The following EHBP1 variants were observed in gnomAD, a reference collection of about 807,000 sequenced individuals.
The protein encoded by EHBP1 is EH domain-binding protein 1.
EHBP1 carries 55 observed loss-of-function variants against 144.0 expected under a neutral mutation model. The observed-to-expected ratio is 0.38, with a 90% confidence interval of 0.31 to 0.48. The LOEUF (loss-of-function observed/expected upper bound fraction) is 0.48, where lower values mean the gene tolerates loss of function less well. Ranked by LOEUF, EHBP1 falls within the 20% of genes least tolerant of loss-of-function variation. The pLI, the probability that EHBP1 is intolerant of heterozygous loss-of-function variation, is 0.98. For synonymous variants in EHBP1, 469 were observed against 472.7 expected (o/e 0.99, Z 0.10); for missense variants, 1,200 against 1,364.2 (o/e 0.88, Z 1.90).
At chr2:62,806,969 G>T (rs1468447632) in intron 5 of EHBP1, among the ~76,000 whole-genome samples, 2 of 152,048 alleles carry the variant, frequency 1.3e-5, no homozygotes, top group African/African-American at 2.4e-5. Flanking sequence ...GCAGGGATTG[G>T]TTCCAGGACC....
At chr2:62,958,069 A>G (rs1274463032) in intron 14 of EHBP1, among the ~76,000 whole-genome samples, 3 of 152,224 alleles carry the variant, frequency 2.0e-5, no homozygotes, top group African/African-American at 4.8e-5. Context: ...ACTGACAGTA[A>G]CAAGTGTGGA....
chr2:62,791,387 C>A (rs1191999140), intron 5 of EHBP1, among the ~76,000 whole-genome samples: 2 of 152,016 alleles, frequency 1.3e-5, no homozygotes, highest in African/African-American at 4.8e-5. Flanking sequence ...GCAGCCATAT[C>A]TGGCTTATTC....
intron 10 of EHBP1, among the ~76,000 whole-genome samples, chr2:62,924,961 T>C (rs2055377540): frequency 6.6e-6 from 1 of 152,072 alleles, no homozygotes; most frequent in Non-Finnish European, 1.5e-5. Context: ...AACAAAATAC[T>C]AACAAATTGA....
At chr2:62,944,539 T>C (rs1345589958) in intron 12 of EHBP1, among the ~76,000 whole-genome samples, 2 of 152,236 alleles carry the variant, frequency 1.3e-5, no homozygotes, top group Admixed American at 6.5e-5. Context: ...AAGTACCCAC[T>C]GTGATGTTTG....
At chr2:62,732,335 CTCTTTT>C (rs766617167) in intron 2 of EHBP1, among the ~76,000 whole-genome samples, 18 of 152,110 alleles carry the variant, frequency 1.2e-4, no homozygotes, top group Non-Finnish European at 2.2e-4. Flanking sequence ...CTATGCCTTT[CTCTTTT>C]TCTTTTTCTT....
intron 9 of EHBP1, among the ~76,000 whole-genome samples, chr2:62,868,980 T>C: frequency 6.6e-6 from 1 of 151,924 alleles, no homozygotes; most frequent in Non-Finnish European, 1.5e-5. Flanking sequence ...TAAAAATTTA[T>C]TAAAAGAAAG....
rs145927002 is a variant in EHBP1, at chr2:62,902,007, A to G, written c.1185+27475A>G. 2.7e-3 allele frequency among the ~76,000 whole-genome samples: 418 copies of G among 152,204 alleles called. 2 individuals are homozygous for G. Among genetic ancestry groups the G allele is most frequent in the Non-Finnish European group, 4.6e-3 (315 of 67,988 alleles). On this transcript the variant is annotated intron_variant, in intron 10 of 22. Coordinates refer to ENST00000431489, the MANE Select transcript of EHBP1 (RefSeq NM_001142616.3). ...ATTCAGCAATGTACTACCAAGTATC[A>G]AGAACATTATTATAATTTTTAGCAA...
intron 19 of EHBP1, among the ~76,000 whole-genome samples, chr2:63,020,323 C>CAAAAAA (rs1001418542): frequency 8.8e-5 from 4 of 45,274 alleles, no homozygotes; most frequent in Admixed American, 2.5e-4. Context: ...GACTCTGTCT[C>CAAAAAA]AAAAAAAAAA....
At chr2:62,725,061 T>G (rs1028061235) in intron 2 of EHBP1, among the ~76,000 whole-genome samples, 3 of 152,174 alleles carry the variant, frequency 2.0e-5, no homozygotes, top group Non-Finnish European at 4.4e-5. Context: ...AGGGGGCCAG[T>G]GCTCAGCTCC....
At chr2:62,868,568 C>G (rs531204435) in intron 9 of EHBP1, among the ~76,000 whole-genome samples, 106 of 152,122 alleles carry the variant, frequency 7.0e-4, no homozygotes, top group Non-Finnish European at 1.4e-3. Context: ...AAAAAGCAAG[C>G]CACAGTTTGG....
intron 15 of EHBP1, among the ~76,000 whole-genome samples, chr2:62,981,645 A>G (rs1198159160): frequency 6.6e-6 from 1 of 152,228 alleles, no homozygotes; most frequent in Non-Finnish European, 1.5e-5. Flanking sequence ...GGAGACTGTC[A>G]GTGTTACAAC....
Position 62,774,349 on chromosome 2 carries a change from C to T in EHBP1, c.312+2957C>T, listed in dbSNP as rs533902810. ...TCGTGCTACTGCACTCCAGCCTGAG[C>T]GACAGAGCAAGACTCTGTCTCAAAA... On this transcript the variant is annotated intron_variant, in intron 5 of 22. Coordinates refer to ENST00000431489, the MANE Select transcript of EHBP1 (RefSeq NM_001142616.3). 3.7e-3 allele frequency among the ~76,000 whole-genome samples: 519 copies of T among 141,196 alleles called. 4 individuals carry two copies. Among genetic ancestry groups the T allele is most frequent in the Non-Finnish European group, 6.1e-3 (397 of 65,496 alleles). The allele number at this position is 141,196 out of a possible 152,430, so 92.6% of individuals were successfully genotyped here.
At chr2:62,763,784 A>T (rs1296956227) in intron 3 of EHBP1, among the ~76,000 whole-genome samples, 2 of 152,202 alleles carry the variant, frequency 1.3e-5, no homozygotes, top group African/African-American at 4.8e-5. Flanking sequence ...GCTGTTCTTT[A>T]TCTGCCCCAA....
At chr2:62,895,468 T>C (rs1464312130) in intron 10 of EHBP1, among the ~76,000 whole-genome samples, 1 of 152,212 alleles carries the variant, frequency 6.6e-6, no homozygotes, top group African/African-American at 2.4e-5. Context: ...ACTGATACTT[T>C]TGGCATTTTA....
upstream of EHBP1, among the ~76,000 whole-genome samples, chr2:62,701,016 C>A (rs2034266281): frequency 1.3e-5 from 2 of 152,144 alleles, no homozygotes; most frequent in South Asian, 4.1e-4. Flanking sequence ...AAGTTTGTGC[C>A]AGAATAGGGT....
At chr2:63,037,671 A>G (rs774126563) in intron 20 of EHBP1, 37 bp downstream of exon 20, 3 of 1,276,616 alleles carry the variant, frequency 2.3e-6, no homozygotes, top group Non-Finnish European at 3.3e-6. Context: ...TGCCTACAAC[A>G]TTGATAAATC....
intron 6 of EHBP1, among the ~76,000 whole-genome samples, chr2:62,828,951 C>G (rs1451723187): frequency 6.6e-6 from 1 of 151,980 alleles, no homozygotes. Flanking sequence ...ACCCCCCTCT[C>G]TACAGAAATT....
At chr2:62,780,763 A>G (rs551958035) in intron 5 of EHBP1, among the ~76,000 whole-genome samples, 13 of 152,338 alleles carry the variant, frequency 8.5e-5, no homozygotes, top group African/African-American at 3.1e-4. Context: ...TTTATTTCAC[A>G]TAGCAGTTTA....
At chr2:63,024,340 G>A (rs916430271) in intron 19 of EHBP1, among the ~76,000 whole-genome samples, 23 of 152,102 alleles carry the variant, frequency 1.5e-4, no homozygotes, top group Non-Finnish European at 2.6e-4. Context: ...GCGAGACTCC[G>A]TCTCAAAAAG....
Sources: allele counts gnomAD v4.1 joint callset (sites outside exome capture counted in the v4.1 genomes callset), GRCh38; gene constraint gnomAD v4.1.1; transcripts MANE v1.5; gene names NCBI Gene and HGNC (gene_info 2026-07-23, HGNC 2026-07-21).